The following VWA3B variants were observed in gnomAD, a reference collection of about 807,000 sequenced individuals.
VWA3B encodes the protein von Willebrand factor A domain-containing protein 3B.
A neutral mutation model predicts 158.3 loss-of-function variants in VWA3B; 138 were observed. The observed-to-expected ratio is 0.87, with a 90% CI of 0.76 to 1.00. VWA3B has a LOEUF of 1.00. Ranked by LOEUF, VWA3B falls within the 50% of genes least tolerant of loss-of-function variation. The pLI, the probability that VWA3B is intolerant of heterozygous loss-of-function variation, is 0.00. For missense variants in VWA3B, 1,555 were observed against 1,565.1 expected (o/e 0.99, Z 0.11); for synonymous variants, 596 against 587.3 (o/e 1.01, Z -0.21).
At chr2:98,256,198 A>AC in intron 21 of VWA3B, 24 bp downstream of exon 21, 3 of 1,481,196 alleles carry the variant, frequency 2.0e-6, no homozygotes, top group Non-Finnish European at 2.7e-6. Context: ...TTCCCTCCTC[A>AC]CTTTTTTTTT....
downstream of VWA3B, among the ~76,000 whole-genome samples, chr2:98,316,695 G>C (rs1691095654): frequency 6.6e-6 from 1 of 151,810 alleles, no homozygotes; most frequent in Non-Finnish European, 1.5e-5. Context: ...AGGAGGGCCT[G>C]GTGGGAGGGT....
intron 14 of VWA3B, among the ~76,000 whole-genome samples, chr2:98,219,992 A>G (rs988990176): frequency 6.6e-6 from 1 of 151,862 alleles, no homozygotes; most frequent in Non-Finnish European, 1.5e-5. Context: ...GCAAGACCCC[A>G]CCTCTACAAA....
chr2:98,194,524 C>T, intron 12 of VWA3B, 32 bp downstream of exon 12: 1 of 1,609,626 alleles, frequency 6.2e-7, no homozygotes. Context: ...GAGAAGCATC[C>T]TAGGAGTCTC....
Position 98,093,068 on chromosome 2 carries a change from C to G in VWA3B, c.-25C>G. ...TTATGATTGCCCTTACAGGAGTTTG[C>G]TGTGACTTAGATCTTGATTCAGAGA... On this transcript the variant is annotated 5_prime_UTR_variant, in exon 2 of 28. Transcript: ENST00000477737. 6.2e-7 allele frequency: 1 copy of G among 1,606,900 alleles called. No homozygotes were observed. Among genetic ancestry groups the G allele is most frequent in the Non-Finnish European group, 8.5e-7 (1 of 1,174,906 alleles).
intron 14 of VWA3B, among the ~76,000 whole-genome samples, chr2:98,221,552 T>G (rs1574121032): frequency 6.6e-6 from 1 of 152,260 alleles, no homozygotes; most frequent in Admixed American, 6.5e-5. Flanking sequence ...GGAGCTAAAC[T>G]TCCATCCCTA....
chr2:98,324,941 A>G, the VWA3B span, among the ~76,000 whole-genome samples: 1 of 152,100 alleles, frequency 6.6e-6, no homozygotes, highest in Non-Finnish European at 1.5e-5. Context: ...TGGGCTTAAG[A>G]ACAGAATAGA....
intron 9 of VWA3B, among the ~76,000 whole-genome samples, chr2:98,187,364 G>A (rs576620341): frequency 1.3e-5 from 2 of 152,026 alleles, no homozygotes; most frequent in African/African-American, 4.8e-5. Flanking sequence ...GAGGAGGAGC[G>A]CCGGTTGAGT....
chr2:98,149,635 A>G (rs1677463054), intron 7 of VWA3B, among the ~76,000 whole-genome samples: 1 of 152,192 alleles, frequency 6.6e-6, no homozygotes, highest in South Asian at 2.1e-4. Flanking sequence ...TCCGCCAGGC[A>G]AAAAAGGTGT....
At chr2:98,122,787 T>C (rs938031806) in intron 5 of VWA3B, among the ~76,000 whole-genome samples, 2 of 152,214 alleles carry the variant, frequency 1.3e-5, no homozygotes, top group African/African-American at 4.8e-5. Context: ...GTGCCTCTCC[T>C]TTCTCCGGGG....
In VWA3B at chr2:98,093,283, G is replaced by A; in HGVS notation, c.191G>A (p.Cys64Tyr). 1 of 1,613,990 alleles carries A rather than the reference G, an allele frequency of 6.2e-7. No individual in the cohort carries two copies. Among genetic ancestry groups the A allele is most frequent in the Non-Finnish European group, 8.5e-7 (1 of 1,179,922 alleles). ...QILSQIGFPH[C>Y]EDYVASLGRP... Reference sequence around the variant, plus strand: ...TTGTCACAGATCGGATTCCCACATTGTGAAGGTACAGTACTCACAAACAAC... The same window carrying A: ...TTGTCACAGATCGGATTCCCACATTATGAAGGTACAGTACTCACAAACAAC... Residue 64 changes from cysteine to tyrosine, a missense_variant, in exon 2 of 28, where the codon TGT (cysteine) becomes TAT (tyrosine). Coordinates refer to ENST00000477737, the MANE Select transcript of VWA3B (RefSeq NM_144992.5).
intron 2 of VWA3B, among the ~76,000 whole-genome samples, chr2:98,114,116 A>AT (rs546459981): frequency 6.1e-4 from 93 of 152,174 alleles, no homozygotes; most frequent in African/African-American, 2.2e-3. Flanking sequence ...AATTTATCAT[A>AT]TTTTTTCTGT....
rs530336567 is a variant in VWA3B at position 98,300,838 on chromosome 2, C to T, written c.3420+622C>T. On this transcript the variant is annotated intron_variant, in intron 25 of 27. Coordinates refer to ENST00000477737, the MANE Select transcript of VWA3B (RefSeq NM_144992.5). ...TGCACCCCCTTTCCCCAAGCGCCTC[C>T]TTCTCCTCTGTGTCCCCTGTATTGG... Among the ~76,000 whole-genome samples the T allele has an allele frequency of 8.5e-5, 13 of 152,292 alleles. 1 individual carries two copies. The highest frequency in any genetic ancestry group is 2.9e-4 in the African/African-American group (12 of 41,558).
At chr2:98,295,212 C>G (rs1689728625) in intron 23 of VWA3B, among the ~76,000 whole-genome samples, 1 of 152,030 alleles carries the variant, frequency 6.6e-6, no homozygotes. Flanking sequence ...GAGGGATGCT[C>G]TGGCTGGAGC....
At chr2:98,196,156 C>T (rs561757229) in intron 12 of VWA3B, among the ~76,000 whole-genome samples, 3 of 152,168 alleles carry the variant, frequency 2.0e-5, no homozygotes, top group South Asian at 2.1e-4. Flanking sequence ...TCAAAGGGTA[C>T]GTAGTTTCAG....
At chr2:98,102,996 A>G (rs1683191848) in intron 2 of VWA3B, among the ~76,000 whole-genome samples, 3 of 152,254 alleles carry the variant, frequency 2.0e-5, no homozygotes, top group Admixed American at 2.0e-4. Context: ...ACACACCAAC[A>G]GTATTTTCCT....
chr2:98,174,629 G>A (rs1679857582), intron 8 of VWA3B, among the ~76,000 whole-genome samples: 3 of 152,212 alleles, frequency 2.0e-5, no homozygotes, highest in Admixed American at 6.5e-5. Context: ...GGAATGGGAT[G>A]TCCATTGGTC....
intron 24 of VWA3B, 142 bp downstream of exon 24, chr2:98,298,173 A>G (rs1209859049): frequency 2.6e-6 from 3 of 1,147,614 alleles, no homozygotes; most frequent in Non-Finnish European, 3.4e-6. Flanking sequence ...AGGAAGAACA[A>G]TGGCCCCTGT....
intron 8 of VWA3B, among the ~76,000 whole-genome samples, chr2:98,174,700 A>T (rs893921848): frequency 5.3e-5 from 8 of 152,206 alleles, no homozygotes. Context: ...AGGCACATGC[A>T]CAGGGCTGTG....
chr2:98,261,221 T>C (rs1000406132), intron 21 of VWA3B, among the ~76,000 whole-genome samples: 1 of 151,822 alleles, frequency 6.6e-6, no homozygotes, highest in African/African-American at 2.4e-5. Context: ...ATGGGAATTA[T>C]AGTTAACCTC....
Sources: gnomAD v4.1 joint callset for allele counts (sites outside exome capture counted in the v4.1 genomes callset) on GRCh38, gnomAD v4.1.1 for gene constraint, MANE v1.5 for transcripts, NCBI Gene and HGNC (gene_info 2026-07-23, HGNC 2026-07-21) for gene names.